The following LYST variants were observed in gnomAD, a reference collection of about 807,000 sequenced individuals.
LYST encodes the protein lysosomal-trafficking regulator.
In LYST, 192 loss-of-function variants were observed where a neutral mutation model predicts 413.6. That is an observed-to-expected ratio of 0.46 (90% confidence interval 0.41 to 0.52). The LOEUF (loss-of-function observed/expected upper bound fraction) is 0.52, where lower values mean the gene tolerates loss of function less well. LYST is among the 20% of genes least tolerant of loss of function. The pLI is 0.00. For synonymous variants in LYST, 1,525 were observed against 1,567.3 expected, an observed-to-expected ratio of 0.97 and a Z score of 0.64; for missense variants, 3,815 against 4,499.9, an observed-to-expected ratio of 0.85 and a Z score of 4.35.
intron 12 of LYST, 37 bp downstream of exon 12, chr1:235,791,662 A>G: frequency 6.5e-7 from 1 of 1,543,790 alleles, no homozygotes; most frequent in Non-Finnish European, 8.9e-7. Context: ...TCTGAAAACA[A>G]TCTTTGTGTA....
At chr1:235,774,866 G>T in intron 18 of LYST, 47 bp downstream of exon 18, 2 of 1,223,626 alleles carry the variant, frequency 1.6e-6, no homozygotes, top group Non-Finnish European at 2.4e-6. Flanking sequence ...GACGAGATGA[G>T]TATCACTGCA....
chr1:235,867,419 G>A (rs998157999), upstream of LYST, among the ~76,000 whole-genome samples: 6 of 152,214 alleles, frequency 3.9e-5, no homozygotes, highest in African/African-American at 1.4e-4. Flanking sequence ...GGCACCCCTA[G>A]CCTTCCTCTG....
intron 1 of LYST, among the ~76,000 whole-genome samples, chr1:235,837,876 C>A (rs1011865507): frequency 6.6e-6 from 1 of 151,332 alleles, no homozygotes; most frequent in African/African-American, 2.4e-5. Flanking sequence ...TAAAAAAAAA[C>A]CTGATTAATA....
intron 1 of LYST, among the ~76,000 whole-genome samples, chr1:235,849,083 G>A (rs1036170319): frequency 6.6e-6 from 1 of 151,868 alleles, no homozygotes; most frequent in Non-Finnish European, 1.5e-5. Flanking sequence ...ACTACAGAAC[G>A]ATATCCTTGA....
chr1:235,778,483 T>C (rs1323694275), intron 16 of LYST, among the ~76,000 whole-genome samples: 1 of 152,066 alleles, frequency 6.6e-6, no homozygotes, highest in Non-Finnish European at 1.5e-5. Context: ...CAAGCAATTC[T>C]CCTGCTTCGG....
chr1:235,686,801 C>A lies in LYST; in HGVS notation c.10800+148G>T. ...AGATTTTTCATGATTCTAATAAACCCTAAAGCATTTTAAGACCTAATGTAG... is the reference window on the plus strand; with the variant it reads ...AGATTTTTCATGATTCTAATAAACCATAAAGCATTTTAAGACCTAATGTAG... On this transcript the variant is annotated intron_variant, in intron 48 of 52. Transcript: ENST00000389793. This position sits in a 1 kb window ranked among gnomAD's most constrained non-coding sequence, Gnocchi z 4.0. 1 of 696,750 alleles carries A rather than the reference C, an allele frequency of 1.4e-6. No individual in the cohort carries two copies. Among genetic ancestry groups the A allele is most frequent in the Non-Finnish European group, 2.6e-6 (1 of 387,624 alleles). 43.2% of individuals were successfully genotyped at this position (696,750 alleles called of 1,614,324 possible). A position where few individuals can be genotyped will look rare whatever the true frequency, so the allele number is the denominator to read the frequency against.
Position 235,714,358 on chromosome 1 carries a change from G to A in LYST, c.9784+843C>T, listed in dbSNP as rs573771169. ...CAAGAGAGAGAGAGAAAGGGAACAGGCCAACAATTTTCAAATATTTGAACA... is the reference window on the plus strand; with the variant it reads ...CAAGAGAGAGAGAGAAAGGGAACAGACCAACAATTTTCAAATATTTGAACA... On this transcript the variant is annotated intron_variant, in intron 42 of 52. Coordinates refer to ENST00000389793, the MANE Select transcript of LYST (RefSeq NM_000081.4). 7.9e-5 allele frequency among the ~76,000 whole-genome samples: 12 copies of A among 152,148 alleles called. No individual in the cohort carries two copies. The South Asian group carries it at 2.5e-3, about 32-fold the overall frequency.
intron 40 of LYST, among the ~76,000 whole-genome samples, chr1:235,718,096 T>G (rs1476127452): frequency 6.6e-6 from 1 of 152,046 alleles, no homozygotes; most frequent in African/African-American, 2.4e-5. Flanking sequence ...ACTCCTGACC[T>G]CAGGTGATCC....
At chr1:235,848,158 G>A (rs181416487) in intron 1 of LYST, among the ~76,000 whole-genome samples, 106 of 152,160 alleles carry the variant, frequency 7.0e-4, no homozygotes, top group Admixed American at 1.2e-3. Flanking sequence ...ATAGATTTAA[G>A]AAAACTGAAA....
chr1:235,823,519 C>G (rs1675005440), intron 3 of LYST, among the ~76,000 whole-genome samples: 1 of 152,174 alleles, frequency 6.6e-6, no homozygotes. Flanking sequence ...TAAAATTTCC[C>G]CAATGTTTTC....
intron 1 of LYST, among the ~76,000 whole-genome samples, chr1:235,849,435 C>G (rs545831563): frequency 3.9e-5 from 6 of 152,164 alleles, no homozygotes; most frequent in Admixed American, 6.5e-5. Flanking sequence ...AAGTTGAAAG[C>G]ATTCCCTCTG....
chr1:235,685,759 T>C (rs1039994383), intron 48 of LYST, among the ~76,000 whole-genome samples: 1 of 151,646 alleles, frequency 6.6e-6, no homozygotes, highest in Middle Eastern at 3.2e-3. Flanking sequence ...GGCAGAAGAA[T>C]TGCTTGAACC....
chr1:235,706,023 C>T lies in LYST; in HGVS notation c.10144-3046G>A, dbSNP rs986488252. Among the ~76,000 whole-genome samples, 23 of 152,182 alleles carry T rather than the reference C, an allele frequency of 1.5e-4. 1 individual carries two copies. Among genetic ancestry groups the T allele is most frequent in the Admixed American group, 1.4e-3 (22 of 15,294 alleles). ...GGCCAGGCTGGTCTTGAACTCCTGA[C>T]CTCAAATGATCCACACGCCTCGGCC... On this transcript the variant is annotated intron_variant, in intron 44 of 52. Coordinates refer to ENST00000389793, the MANE Select transcript of LYST (RefSeq NM_000081.4).
intron 38 of LYST, among the ~76,000 whole-genome samples, chr1:235,725,830 G>A (rs1005803728): frequency 6.6e-6 from 1 of 152,142 alleles, no homozygotes; most frequent in African/African-American, 2.4e-5. Flanking sequence ...GGTTGAATCT[G>A]CTTGAGAGTA....
intron 1 of LYST, among the ~76,000 whole-genome samples, chr1:235,857,796 A>T (rs61834679): frequency 7.2e-6 from 1 of 138,688 alleles, no homozygotes; most frequent in Non-Finnish European, 1.6e-5. Flanking sequence ...TATATATATA[A>T]AATTTCACAA....
At chr1:235,765,033 T>C (rs1249168004) in intron 21 of LYST, among the ~76,000 whole-genome samples, 5 of 152,202 alleles carry the variant, frequency 3.3e-5, no homozygotes, top group African/African-American at 9.7e-5. Context: ...TCTTTCCTTC[T>C]CTTGCTCTAC....
intron 1 of LYST, among the ~76,000 whole-genome samples, chr1:235,878,321 G>A (rs1324622320): frequency 6.6e-6 from 1 of 152,076 alleles, no homozygotes; most frequent in African/African-American, 2.4e-5. Context: ...CTGGCTCTGC[G>A]GGTGGACTCT....
At chr1:235,723,608 A>G (rs1369638682) in intron 39 of LYST, among the ~76,000 whole-genome samples, 1 of 152,240 alleles carries the variant, frequency 6.6e-6, no homozygotes, top group Non-Finnish European at 1.5e-5. Context: ...TTACGGGTTT[A>G]GCAACATAGA....
At chr1:235,754,121 CT>C (rs1395149069) in intron 25 of LYST, among the ~76,000 whole-genome samples, 2 of 152,016 alleles carry the variant, frequency 1.3e-5, no homozygotes, top group African/African-American at 2.4e-5. Flanking sequence ...GGATTTACTC[CT>C]CTCCCAGATG....
Sources: gnomAD v4.1 joint callset for allele counts (sites outside exome capture counted in the v4.1 genomes callset) on GRCh38, gnomAD v4.1.1 for gene constraint, Gnocchi (gnomAD v3.1) non-coding constraint, MANE v1.5 for transcripts, NCBI Gene and HGNC (gene_info 2026-07-23, HGNC 2026-07-21) for gene names.